Variants in BICD2 observed in about 807,000 individuals in gnomAD.
BICD2 encodes BICD cargo adaptor 2.
Under a neutral mutation model 72.9 loss-of-function variants are expected in BICD2, and 25 were observed. The ratio of observed to expected loss-of-function variants is 0.34; its 90% CI spans 0.25 to 0.48. BICD2 has a LOEUF of 0.48. BICD2 is among the 20% of genes least tolerant of loss of function. The pLI is 0.99. For missense variants in BICD2, 894 were observed against 1,175.2 expected (o/e 0.76, Z 3.50); for synonymous variants, 501 against 516.1 (o/e 0.97, Z 0.40).
intron 1 of BICD2, among the ~76,000 whole-genome samples, chr9:92,761,475 G>C (rs1397272704): frequency 6.6e-6 from 1 of 152,232 alleles, no homozygotes; most frequent in Non-Finnish European, 1.5e-5. Context: ...CACCAAGGCA[G>C]TGAGGGTGTC....
At chr9:92,722,616 A>T in intron 3 of BICD2, 40 bp downstream of exon 3, 1 of 1,612,282 alleles carries the variant, frequency 6.2e-7, no homozygotes, top group Non-Finnish European at 8.5e-7. Context: ...AGGCCCAGTT[A>T]ACCCACGTGC....
At chr9:92,736,157 T>C (rs900267786) in intron 1 of BICD2, among the ~76,000 whole-genome samples, 5 of 152,110 alleles carry the variant, frequency 3.3e-5, no homozygotes, top group African/African-American at 1.2e-4. Context: ...CATAAAGACA[T>C]AAAACAGGCT....
At chr9:92,723,129 T>TA (rs1333838907) in intron 2 of BICD2, among the ~76,000 whole-genome samples, 1 of 152,204 alleles carries the variant, frequency 6.6e-6, no homozygotes, top group African/African-American at 2.4e-5. Context: ...ATTGGGCATG[T>TA]ACACAGTAGT....
chr9:92,715,467 T>C lies in BICD2; in HGVS notation c.2259-4A>G. The stretch of plus-strand genomic sequence containing the variant: ...CTGTGTAATGTACTCGTCACACCTG[T>C]GGGTACCAAAAACATGACTGAGGGG... On this transcript the variant is annotated splice_polypyrimidine_tract_variant and splice_region_variant and intron_variant, in intron 6 of 6. Transcript: ENST00000356884. 6.4e-7 allele frequency: 1 copy of C among 1,572,246 alleles called. No individual in the cohort carries two copies. Among genetic ancestry groups the C allele is most frequent in the Non-Finnish European group, 8.7e-7 (1 of 1,152,504 alleles).
At chr9:92,727,280 C>T (rs1853586268) in intron 2 of BICD2, among the ~76,000 whole-genome samples, 1 of 152,212 alleles carries the variant, frequency 6.6e-6, no homozygotes, top group Non-Finnish European at 1.5e-5. Context: ...ACCCTCAGGG[C>T]CTATGCCCTG....
At chr9:92,721,069 C>A (rs1853455226) in intron 3 of BICD2, among the ~76,000 whole-genome samples, 1 of 152,230 alleles carries the variant, frequency 6.6e-6, no homozygotes, top group Non-Finnish European at 1.5e-5. Context: ...TGGCCCCAAG[C>A]CAGGACTGTA....
At chr9:92,728,386 T>C (rs1853608675) in intron 2 of BICD2, among the ~76,000 whole-genome samples, 1 of 152,218 alleles carries the variant, frequency 6.6e-6, no homozygotes, top group African/African-American at 2.4e-5. Flanking sequence ...TTTCCAGATG[T>C]AGAGCCTGTG....
chr9:92,751,806 AT>A lies in BICD2; in HGVS notation c.240+12698del, dbSNP rs200906851. ...ACATGGGTTAGTATACACTAACTGC[AT>A]TTTTTTTTTTTTTTGAGATGGAGTT... On this transcript the variant is annotated intron_variant, in intron 1 of 6. Transcript: ENST00000356884. Among the ~76,000 whole-genome samples, 749 of 140,972 alleles carry A rather than the reference AT, an allele frequency of 5.3e-3. 4 individuals are homozygous for A. Among genetic ancestry groups the A allele is most frequent in the African/African-American group, 0.012 (463 of 38,358 alleles). 92.5% of individuals were successfully genotyped at this position (140,972 alleles called of 152,430 possible).
At chr9:92,747,505 C>G (rs1304022103) in intron 1 of BICD2, among the ~76,000 whole-genome samples, 2 of 152,154 alleles carry the variant, frequency 1.3e-5, no homozygotes, top group Non-Finnish European at 2.9e-5. Context: ...GGGGGGTCAC[C>G]AGGGAGTCAG....
intron 1 of BICD2, among the ~76,000 whole-genome samples, chr9:92,752,924 C>A (rs903227539): frequency 2.6e-5 from 4 of 152,258 alleles, no homozygotes; most frequent in East Asian, 1.9e-4. Context: ...GGGTTATGCA[C>A]AGTAATTTCC....
intron 1 of BICD2, among the ~76,000 whole-genome samples, chr9:92,747,975 G>C (rs561178836): frequency 2.0e-5 from 3 of 152,352 alleles, no homozygotes; most frequent in African/African-American, 7.2e-5. Flanking sequence ...GGGGTGCTGA[G>C]AGTGCAGAAT....
chr9:92,761,730 C>T (rs1284060852), intron 1 of BICD2, among the ~76,000 whole-genome samples: 2 of 152,210 alleles, frequency 1.3e-5, no homozygotes, highest in Admixed American at 6.5e-5. Context: ...AGGTTGCTGA[C>T]CAAAGCCCAT....
intron 2 of BICD2, among the ~76,000 whole-genome samples, chr9:92,724,276 T>C (rs1406729422): frequency 3.9e-5 from 6 of 152,148 alleles, no homozygotes; most frequent in Non-Finnish European, 8.8e-5. Flanking sequence ...GAATGGAACA[T>C]ACTTTATAGA....
chr9:92,748,976 G>A (rs570269238), intron 1 of BICD2, among the ~76,000 whole-genome samples: 4 of 152,244 alleles, frequency 2.6e-5, no homozygotes, highest in Admixed American at 6.5e-5. Context: ...CAGAGGAGAT[G>A]GTACAGGGAG....
intron 1 of BICD2, among the ~76,000 whole-genome samples, chr9:92,741,557 C>T (rs1290797318): frequency 6.6e-6 from 1 of 152,224 alleles, no homozygotes; most frequent in Non-Finnish European, 1.5e-5. Context: ...AACTGAAGCA[C>T]TTGAAAAGTG....
chr9:92,721,698 G>C (rs1853467672), intron 3 of BICD2, among the ~76,000 whole-genome samples: 1 of 152,174 alleles, frequency 6.6e-6, no homozygotes, highest in Non-Finnish European at 1.5e-5. Context: ...ATCCCAGAGA[G>C]GGAGAGAGAG....
At chr9:92,747,763 C>T (rs955803805) in intron 1 of BICD2, among the ~76,000 whole-genome samples, 2 of 152,184 alleles carry the variant, frequency 1.3e-5, no homozygotes, top group African/African-American at 2.4e-5. Context: ...TGGACGCCCA[C>T]GTCCACCACA....
rs376931422 is a variant in BICD2 at position 92,729,397 on chromosome 9, C to T, written c.241-161G>A. On this transcript the variant is annotated intron_variant, in intron 1 of 6. Coordinates refer to ENST00000356884, the MANE Select transcript of BICD2 (RefSeq NM_001003800.2). Reference sequence around the variant, plus strand: ...CCTGACCTGGGAGGTGCATCTGTGGCGTGCACTGTGGTGTGCACATATGCA... The same window carrying T: ...CCTGACCTGGGAGGTGCATCTGTGGTGTGCACTGTGGTGTGCACATATGCA... 4.3e-4 allele frequency among the ~76,000 whole-genome samples: 66 copies of T among 152,376 alleles called. No homozygotes were observed. The South Asian group carries it at 5.0e-3, about 11-fold the overall frequency.
chr9:92,756,122 C>T (rs771415173), intron 1 of BICD2, among the ~76,000 whole-genome samples: 15 of 152,236 alleles, frequency 9.9e-5, no homozygotes, highest in Non-Finnish European at 2.1e-4. Flanking sequence ...TCTACACCCA[C>T]TAGATGACAA....
Sources: gnomAD v4.1 joint callset for allele counts (sites outside exome capture counted in the v4.1 genomes callset) on GRCh38, gnomAD v4.1.1 for gene constraint, MANE v1.5 for transcripts, NCBI Gene and HGNC (gene_info 2026-07-23, HGNC 2026-07-21) for gene names.